RTN3: variants seen among roughly 807,000 people sequenced by gnomAD.
The protein encoded by RTN3 is reticulon-3.
In RTN3, 49 loss-of-function variants were observed where a neutral mutation model predicts 77.8. The ratio of observed to expected loss-of-function variants is 0.63; its 90% CI spans 0.50 to 0.80. RTN3 has a LOEUF of 0.80. Ranked by LOEUF, RTN3 falls within the 30% of genes least tolerant of loss-of-function variation. The probability of loss-of-function intolerance (pLI) is 0.00; values close to 1 mark genes in which losing one functional copy is unlikely to be tolerated. For missense variants in RTN3, 1,236 were observed against 1,211.9 expected (o/e 1.02, Z -0.29); for synonymous variants, 464 against 446.9 (o/e 1.04, Z -0.48).
intron 3 of RTN3, among the ~76,000 whole-genome samples, chr11:63,723,580 C>T (rs937577238): frequency 1.3e-5 from 2 of 151,932 alleles, no homozygotes; most frequent in African/African-American, 2.4e-5. Context: ...TGTGCCACCA[C>T]GCCCAGCTAA....
chr11:63,707,631 C>T (rs1023435449), intron 2 of RTN3, among the ~76,000 whole-genome samples: 4 of 151,966 alleles, frequency 2.6e-5, no homozygotes, highest in African/African-American at 9.7e-5. Flanking sequence ...GTCAGGAGTT[C>T]GAGACCAGCC....
intron 3 of RTN3, among the ~76,000 whole-genome samples, chr11:63,739,832 G>C (rs1429851984): frequency 6.6e-6 from 1 of 152,136 alleles, no homozygotes; most frequent in African/African-American, 2.4e-5. Context: ...CAAAAAGATA[G>C]ACTTTAACCA....
chr11:63,704,835 G>T lies in RTN3; in HGVS notation c.143-16G>T. ...TGTGAGGTTGTCATATTCTCATGCTGTATATTTTCTTTCAGATTCCTTTGT... is the reference window on the plus strand; with the variant it reads ...TGTGAGGTTGTCATATTCTCATGCTTTATATTTTCTTTCAGATTCCTTTGT... On this transcript the variant is annotated splice_polypyrimidine_tract_variant and intron_variant, in intron 1 of 8. Transcript: ENST00000377819. 1 of 1,588,506 alleles carries T rather than the reference G, an allele frequency of 6.3e-7. No homozygotes were observed. Among genetic ancestry groups the T allele is most frequent in the Non-Finnish European group, 8.6e-7 (1 of 1,157,236 alleles).
intron 3 of RTN3, among the ~76,000 whole-genome samples, chr11:63,731,706 G>A (rs760244354): frequency 6.6e-6 from 1 of 152,134 alleles, no homozygotes; most frequent in South Asian, 2.1e-4. Flanking sequence ...AGGCTGGAGT[G>A]CAGTGGCACA....
chr11:63,715,589 C>T (rs975728035), intron 2 of RTN3, among the ~76,000 whole-genome samples: 4 of 151,980 alleles, frequency 2.6e-5, no homozygotes, highest in African/African-American at 7.3e-5. Context: ...ATCTGGGGGG[C>T]GGAGGTTGCA....
chr11:63,744,240 CAAAA>C lies in RTN3; in HGVS notation c.2531-5728_2531-5725del, dbSNP rs71468642. On this transcript the variant is annotated intron_variant, in intron 3 of 8. Coordinates refer to ENST00000377819, the MANE Select transcript of RTN3 (RefSeq NM_001265589.2). ...CTGGCGACAGAGCAAGACTCTGTCT[CAAAA>C]AAAAAAAAAAAAAAAAAAAAAAGTG... 4.6e-4 allele frequency among the ~76,000 whole-genome samples: 29 copies of C among 63,624 alleles called. No individual in the cohort carries two copies. In the East Asian group the frequency reaches 0.015, roughly 33 times the overall value. 41.7% of individuals were successfully genotyped at this position (63,624 alleles called of 152,430 possible). A position where few individuals can be genotyped will look rare whatever the true frequency, so the allele number is the denominator to read the frequency against.
rs773768007 is a variant in RTN3 at position 63,681,675 on chromosome 11, C to T, written c.39C>T (p.Ile13=). 9 of 1,611,876 alleles carry T rather than the reference C, an allele frequency of 5.6e-6. No homozygotes were observed. The highest frequency in any genetic ancestry group is 7.6e-6 in the Non-Finnish European group (9 of 1,178,890). The part of the protein sequence containing the change: ...EPSAATQSHS[I]SSSSFGAEPS... ...CGGCGGCCACTCAGTCCCATTCCATCTCCTCGTCGTCCTTCGGAGCCGAGC... is the reference window on the plus strand; with the variant it reads ...CGGCGGCCACTCAGTCCCATTCCATTTCCTCGTCGTCCTTCGGAGCCGAGC... The change falls in exon 1 of 9, where the codon ATC becomes ATT. Residue 13 remains isoleucine (I), a synonymous_variant. Coordinates refer to ENST00000377819, the MANE Select transcript of RTN3 (RefSeq NM_001265589.2).
At chr11:63,708,124 A>G (rs1409424927) in intron 2 of RTN3, among the ~76,000 whole-genome samples, 1 of 152,128 alleles carries the variant, frequency 6.6e-6, no homozygotes, top group Non-Finnish European at 1.5e-5. Context: ...TAACTGTATT[A>G]AAACCCTGAA....
At chr11:63,734,210 G>A (rs2012908865) in intron 3 of RTN3, among the ~76,000 whole-genome samples, 1 of 152,152 alleles carries the variant, frequency 6.6e-6, no homozygotes, top group Non-Finnish European at 1.5e-5. Flanking sequence ...CACTTTGGGA[G>A]GCCGAGGTGG....
At chr11:63,728,185 T>C (rs1168961088) in intron 3 of RTN3, among the ~76,000 whole-genome samples, 1 of 152,174 alleles carries the variant, frequency 6.6e-6, no homozygotes, top group African/African-American at 2.4e-5. Flanking sequence ...TACTTAATTC[T>C]TTTACAGTGA....
intron 1 of RTN3, among the ~76,000 whole-genome samples, chr11:63,692,863 C>A (rs1449598629): frequency 6.6e-6 from 1 of 152,002 alleles, no homozygotes; most frequent in Non-Finnish European, 1.5e-5. Context: ...AAAATAAGTA[C>A]TTTTTAATGG....
At chr11:63,686,502 A>G (rs181846995) in intron 1 of RTN3, among the ~76,000 whole-genome samples, 75 of 147,138 alleles carry the variant, frequency 5.1e-4, no homozygotes, top group Non-Finnish European at 8.8e-4. Flanking sequence ...AACAAATTCT[A>G]TACTTGCTAG....
chr11:63,749,707 A>G (rs1256003172), intron 3 of RTN3, among the ~76,000 whole-genome samples: 1 of 152,168 alleles, frequency 6.6e-6, no homozygotes, highest in Non-Finnish European at 1.5e-5. Flanking sequence ...ATCACCCCTG[A>G]CATAATTTGA....
At chr11:63,729,932 A>G (rs977766604) in intron 3 of RTN3, among the ~76,000 whole-genome samples, 6 of 151,856 alleles carry the variant, frequency 4.0e-5, no homozygotes, top group Admixed American at 2.0e-4. Context: ...CTATAGGTAT[A>G]TGCCACGATG....
rs1246734683 is a variant in RTN3, at chr11:63,745,154, GT to G, written c.2531-4836del. Among the ~76,000 whole-genome samples the G allele has an allele frequency of 3.3e-5, 5 of 152,192 alleles. No homozygotes were observed. In the East Asian group the frequency reaches 5.8e-4, roughly 18 times the overall value. On this transcript the variant is annotated intron_variant, in intron 3 of 8. Transcript: ENST00000377819. The stretch of plus-strand genomic sequence containing the variant: ...ATTTTTCATCCTCTTCTCCCCCAAG[GT>G]ATTAGAGAGGGAAAAGTTTCCAAAA...
At chr11:63,704,629 A>G (rs572787824) in intron 1 of RTN3, among the ~76,000 whole-genome samples, 1 of 152,174 alleles carries the variant, frequency 6.6e-6, no homozygotes, top group Non-Finnish European at 1.5e-5. Flanking sequence ...CTAAAAAAAA[A>G]AAAATGAATG....
At chr11:63,716,385 T>C (rs2011398196) in intron 2 of RTN3, among the ~76,000 whole-genome samples, 1 of 152,226 alleles carries the variant, frequency 6.6e-6, no homozygotes. Context: ...CTCTGTCACA[T>C]TTTCCCAGTT....
rs1941961720 is a variant in RTN3, at chr11:63,696,706, C to T, written c.143-8145C>T. Among the ~76,000 whole-genome samples, 4 of 150,112 alleles carry T rather than the reference C, an allele frequency of 2.7e-5. No homozygotes were observed. In the South Asian group the frequency reaches 8.5e-4, roughly 32 times the overall value. The stretch of plus-strand genomic sequence containing the variant: ...GATTACAGGTGCCTGCCTCCACACC[C>T]AGCTAATTTTTGTATTTTTAGTAGA... On this transcript the variant is annotated intron_variant, in intron 1 of 8. Coordinates refer to ENST00000377819, the MANE Select transcript of RTN3 (RefSeq NM_001265589.2).
chr11:63,702,594 A>C (rs563341711), intron 1 of RTN3, among the ~76,000 whole-genome samples: 1 of 150,626 alleles, frequency 6.6e-6, no homozygotes, highest in African/African-American at 2.4e-5. Context: ...GATTACAGGC[A>C]TGAGCCACTG....
Sources: allele counts gnomAD v4.1 joint callset (sites outside exome capture counted in the v4.1 genomes callset), GRCh38; gene constraint gnomAD v4.1.1; transcripts MANE v1.5; gene names NCBI Gene and HGNC (gene_info 2026-07-23, HGNC 2026-07-21).